Variants in RETREG1 observed in about 807,000 individuals in gnomAD.
RETREG1 encodes the protein family with sequence similarity 134 member B.
RETREG1 carries 44 observed loss-of-function variants against 54.8 expected under a neutral mutation model. The ratio of observed to expected loss-of-function variants is 0.80; its 90% CI spans 0.63 to 1.03. The LOEUF (loss-of-function observed/expected upper bound fraction) is 1.03, where lower values mean the gene tolerates loss of function less well. RETREG1 is among the 50% of genes least tolerant of loss of function. RETREG1 has a pLI of 0.00. For missense variants in RETREG1, 554 were observed against 605.1 expected (o/e 0.92, Z 0.89); for synonymous variants, 217 against 238.5 (o/e 0.91, Z 0.83).
chr5:16,591,977 C>A (rs1407584660), intron 1 of RETREG1, among the ~76,000 whole-genome samples: 1 of 152,188 alleles, frequency 6.6e-6, no homozygotes, highest in Admixed American at 6.5e-5. Flanking sequence ...TCACTTCAAC[C>A]ACATGACACC....
In RETREG1 at chr5:16,479,003, G is replaced by C. The variant is rs141215735; in HGVS notation, c.671-16C>G. ...GCACACAGTACTGAAAGAAGAAAGA[G>C]AGCAGAGGTAAAATGCCTTTCCTTT... On this transcript the variant is annotated splice_polypyrimidine_tract_variant and intron_variant, in intron 5 of 8. Coordinates refer to ENST00000306320, the MANE Select transcript of RETREG1 (RefSeq NM_001034850.3). The C allele has an allele frequency of 4.2e-3, 6,789 of 1,610,614 alleles. 401 individuals carry two copies. In the Admixed American group the frequency reaches 0.11, roughly 25 times the overall value.
chr5:16,484,384 CATTT>C (rs1049640496), intron 3 of RETREG1, among the ~76,000 whole-genome samples: 4 of 152,162 alleles, frequency 2.6e-5, no homozygotes, highest in African/African-American at 4.8e-5. Context: ...CAAATTCATT[CATTT>C]AAGAGATTAT....
At chr5:16,476,734 C>T (rs112418632) in intron 8 of RETREG1, among the ~76,000 whole-genome samples, 4,579 of 148,692 alleles carry the variant, frequency 0.031, 242 homozygotes, top group African/African-American at 0.11. Flanking sequence ...TGGGGAACAG[C>T]ACACACTGGG....
chr5:16,616,462 G>C (rs1397694667), intron 1 of RETREG1, 190 bp downstream of exon 1: 2 of 1,049,902 alleles, frequency 1.9e-6, no homozygotes, highest in African/African-American at 1.7e-5. Context: ...TGCTCACAGG[G>C]ACGTGCGTCC....
In RETREG1 at chr5:16,561,060, T is replaced by G. The variant is rs113378072; in HGVS notation, c.458+4703A>C. Among the ~76,000 whole-genome samples, 374 of 152,252 alleles carry G rather than the reference T, an allele frequency of 2.5e-3. 1 individual carries two copies. The highest frequency in any genetic ancestry group is 8.8e-3 in the African/African-American group (364 of 41,550). ...GTACTTGCAACAGTTCACTTGTACC[T>G]CCCATTAACCAGATGAAAACCTGAG... On this transcript the variant is annotated intron_variant, in intron 3 of 8. Transcript: ENST00000306320. This position sits in a 1 kb window ranked among gnomAD's most constrained non-coding sequence, Gnocchi z 4.2.
intron 3 of RETREG1, among the ~76,000 whole-genome samples, chr5:16,553,421 G>T (rs994801952): frequency 6.6e-6 from 1 of 151,802 alleles, no homozygotes; most frequent in African/African-American, 2.4e-5. Context: ...ATACATATAT[G>T]TGATTTAAAT....
intron 8 of RETREG1, among the ~76,000 whole-genome samples, chr5:16,475,759 T>A (rs1738513469): frequency 6.6e-6 from 1 of 152,204 alleles, no homozygotes; most frequent in Non-Finnish European, 1.5e-5. Flanking sequence ...ATACTGCTCC[T>A]TCTATTCCAT....
rs1020003361 is a variant in RETREG1 at position 16,615,800 on chromosome 5, C to T, written c.320+852G>A. On this transcript the variant is annotated intron_variant, in intron 1 of 8. Coordinates refer to ENST00000306320, the MANE Select transcript of RETREG1 (RefSeq NM_001034850.3). ...AGGTTCAGAAATCTCTGTCCTGTAA[C>T]AAGGTATCTGTTACCGGAGTCTGAT... 2.0e-5 allele frequency: 3 copies of T among 152,196 alleles called. No individual in the cohort carries two copies. The East Asian group carries it at 5.8e-4, about 29-fold the overall frequency. 9.4% of individuals were successfully genotyped at this position (152,196 alleles called of 1,614,324 possible).
At chr5:16,511,775 G>T (rs1461006458) in intron 3 of RETREG1, among the ~76,000 whole-genome samples, 1 of 152,124 alleles carries the variant, frequency 6.6e-6, no homozygotes, top group East Asian at 1.9e-4. Context: ...GGAGGCCTCA[G>T]GAAACTTAGA....
intron 3 of RETREG1, among the ~76,000 whole-genome samples, chr5:16,497,156 A>T (rs1328672771): frequency 1.3e-5 from 2 of 152,194 alleles, no homozygotes; most frequent in Non-Finnish European, 1.5e-5. Context: ...CTTTATTATT[A>T]TCTCTAATCC....
chr5:16,508,272 C>T (rs987137696), intron 3 of RETREG1, among the ~76,000 whole-genome samples: 1 of 152,184 alleles, frequency 6.6e-6, no homozygotes, highest in African/African-American at 2.4e-5. Flanking sequence ...AAAAACTCAA[C>T]ATTAAAACAT....
chr5:16,508,938 C>A, intron 3 of RETREG1: 12 of 1,178,582 alleles, frequency 1.0e-5, no homozygotes, highest in Non-Finnish European at 1.3e-5. Context: ...CCAGCTGCCC[C>A]GCATTCTCTC....
chr5:16,477,976 A>C (rs1015164314), intron 7 of RETREG1, 58 bp downstream of exon 7: 3 of 1,399,532 alleles, frequency 2.1e-6, no homozygotes, highest in Non-Finnish European at 3.0e-6. Flanking sequence ...CTTTGTATGC[A>C]TACATGCATT....
chr5:16,477,898 T>C, intron 7 of RETREG1, 110 bp from the exon 8 acceptor site: 2 of 1,439,586 alleles, frequency 1.4e-6, no homozygotes, highest in Admixed American at 1.8e-5. Context: ...ACCAAATGGA[T>C]ATTTTTATTT....
intron 1 of RETREG1, among the ~76,000 whole-genome samples, chr5:16,598,576 C>T (rs1439112154): frequency 6.6e-6 from 1 of 152,238 alleles, no homozygotes; most frequent in Non-Finnish European, 1.5e-5. Context: ...AGTGTGACCT[C>T]CCTGCAGTCA....
At chr5:16,575,758 A>G (rs1295771553) in intron 1 of RETREG1, among the ~76,000 whole-genome samples, 1 of 152,224 alleles carries the variant, frequency 6.6e-6, no homozygotes, top group Non-Finnish European at 1.5e-5. Flanking sequence ...TAGCAAGGTA[A>G]TGCCAAACTG....
rs561589582 is a variant in RETREG1, at chr5:16,565,335, C to G, written c.458+428G>C. 2.0e-5 allele frequency among the ~76,000 whole-genome samples: 3 copies of G among 152,208 alleles called. No homozygotes were observed. In the South Asian group the frequency reaches 6.2e-4, roughly 31 times the overall value. ...TCTCACCCTATCTCTGTGTCTCCCC[C>G]ACCCCACAGTCCTCTGAACTGACAG... On this transcript the variant is annotated intron_variant, in intron 3 of 8. Coordinates refer to ENST00000306320, the MANE Select transcript of RETREG1 (RefSeq NM_001034850.3).
chr5:16,608,830 C>G lies in RETREG1; in HGVS notation c.320+7822G>C, dbSNP rs140491978. The stretch of plus-strand genomic sequence containing the variant: ...CCTTCCCATTCATGCAGAAGCAACC[C>G]TCTCCCAATATAATTTTTTCACTCT... On this transcript the variant is annotated intron_variant, in intron 1 of 8. Transcript: ENST00000306320. Among the ~76,000 whole-genome samples the G allele has an allele frequency of 3.9e-5, 6 of 152,316 alleles. No individual in the cohort carries two copies. The East Asian group carries it at 1.2e-3, about 29-fold the overall frequency.
chr5:16,575,581 C>G (rs448405), intron 1 of RETREG1, among the ~76,000 whole-genome samples: 52,221 of 152,192 alleles, frequency 0.34, 10,449 homozygotes, highest in Non-Finnish European at 0.44. Context: ...AACCCACAGG[C>G]CTGGCTGCCA....
Sources: allele counts gnomAD v4.1 joint callset (sites outside exome capture counted in the v4.1 genomes callset), GRCh38; gene constraint gnomAD v4.1.1; non-coding constraint Gnocchi (gnomAD v3.1); transcripts MANE v1.5; gene names NCBI Gene and HGNC (gene_info 2026-07-23, HGNC 2026-07-21).